The following PSPC1 variants were observed in gnomAD, a reference collection of about 807,000 sequenced individuals.
PSPC1 encodes the protein paraspeckle protein 1.
PSPC1 carries 14 observed loss-of-function variants against 51.6 expected under a neutral mutation model. That is an observed-to-expected ratio of 0.27 (90% CI 0.18 to 0.42). PSPC1 has a LOEUF of 0.42. Among genes scored for constraint, PSPC1 ranks in the 10% least tolerant of loss-of-function variants. The probability of loss-of-function intolerance (pLI) is 1.00; values close to 1 mark genes in which losing one functional copy is unlikely to be tolerated. For synonymous variants in PSPC1, 193 were observed against 231.9 expected (o/e 0.83, Z 1.53); for missense variants, 406 against 701.1 (o/e 0.58, Z 4.75).
At chr13:19,672,323 T>C (rs75278195), downstream of PSPC1, 1 of 164,964 alleles carries the variant, frequency 6.1e-6, no homozygotes, top group African/African-American at 2.4e-5. Context: ...TTTGTATTTT[T>C]AGTAGAGATG....
At chr13:19,695,140 G>A (rs1879052600) in intron 6 of PSPC1, among the ~76,000 whole-genome samples, 1 of 152,204 alleles carries the variant, frequency 6.6e-6, no homozygotes, top group African/African-American at 2.4e-5. Flanking sequence ...GAAACTGGCT[G>A]TGATAGGTTA....
chr13:19,677,173 C>T (rs1876747099), intron 7 of PSPC1, among the ~76,000 whole-genome samples: 1 of 147,752 alleles, frequency 6.8e-6, no homozygotes, highest in South Asian at 2.1e-4. Context: ...GCAGAGCTTG[C>T]AGTGAGCCAA....
chr13:19,740,711 C>A (rs1885349571), intron 5 of PSPC1, among the ~76,000 whole-genome samples: 1 of 152,128 alleles, frequency 6.6e-6, no homozygotes, highest in Admixed American at 6.5e-5. Flanking sequence ...ACACCACAGG[C>A]ACAAGGTGAG....
chr13:19,706,084 C>T (rs2137745601), intron 7 of PSPC1, among the ~76,000 whole-genome samples: 1 of 152,274 alleles, frequency 6.6e-6, no homozygotes, highest in South Asian at 2.1e-4. Context: ...TTGAGACTAA[C>T]AGTTTGCAAG....
intron 4 of PSPC1, among the ~76,000 whole-genome samples, chr13:19,743,841 C>A (rs893344247): frequency 4.6e-5 from 7 of 152,164 alleles, no homozygotes; most frequent in African/African-American, 1.7e-4. Flanking sequence ...TAAGTAATGG[C>A]TCACACCTGT....
chr13:19,721,016 G>A (rs917565767), intron 6 of PSPC1, among the ~76,000 whole-genome samples: 1 of 99,658 alleles, frequency 1.0e-5, no homozygotes, highest in Admixed American at 1.2e-4. Context: ...CTCACTAGTT[G>A]TTACTTAATA....
chr13:19,771,944 T>G (rs923632245), intron 2 of PSPC1, among the ~76,000 whole-genome samples: 4 of 152,180 alleles, frequency 2.6e-5, no homozygotes, highest in Non-Finnish European at 5.9e-5. Flanking sequence ...TCAATAAAGC[T>G]GATTACAATT....
At chr13:19,764,753 A>G in intron 2 of PSPC1, among the ~76,000 whole-genome samples, 1 of 139,796 alleles carries the variant, frequency 7.2e-6, no homozygotes, top group South Asian at 2.4e-4. Flanking sequence ...CTTTTTTTTG[A>G]GACAGGGTCT....
chr13:19,776,070 A>G (rs1889090050), intron 1 of PSPC1, among the ~76,000 whole-genome samples: 1 of 151,992 alleles, frequency 6.6e-6, no homozygotes, highest in South Asian at 2.1e-4. Flanking sequence ...ATAAAATAAA[A>G]TGAGAATAGG....
chr13:19,770,329 T>C (rs1289893841), intron 2 of PSPC1, among the ~76,000 whole-genome samples: 4 of 152,224 alleles, frequency 2.6e-5, no homozygotes, highest in South Asian at 2.1e-4. Flanking sequence ...ATTTTTATTA[T>C]GGCAGTGTGT....
chr13:19,722,955 A>T (rs956719222), intron 6 of PSPC1, among the ~76,000 whole-genome samples: 4 of 152,092 alleles, frequency 2.6e-5, no homozygotes, highest in Non-Finnish European at 5.9e-5. Context: ...ACTAAAAAAT[A>T]CAAAAATTAG....
chr13:19,773,507 G>A (rs547430139), intron 1 of PSPC1, among the ~76,000 whole-genome samples: 24 of 151,630 alleles, frequency 1.6e-4, no homozygotes, highest in Non-Finnish European at 3.2e-4. Flanking sequence ...CAAAGTGCTG[G>A]GATTACAGGC....
Position 19,740,960 on chromosome 13 carries a change from C to T in PSPC1, c.1052+605G>A, listed in dbSNP as rs532197017. Among the ~76,000 whole-genome samples the T allele has an allele frequency of 5.0e-4, 76 of 152,078 alleles. 2 individuals carry two copies. Among genetic ancestry groups the T allele is most frequent in the African/African-American group, 9.4e-4 (39 of 41,476 alleles). ...CAAGATCTCAGATCACTGCAACCTC[C>T]GCCTCCTGGATTCAAGCGATTCTCC... On this transcript the variant is annotated intron_variant, in intron 5 of 8. Transcript: ENST00000338910.
chr13:19,736,937 T>A (rs957809756), intron 5 of PSPC1: 1 of 152,162 alleles, frequency 6.6e-6, no homozygotes, highest in African/African-American at 2.4e-5. Context: ...GGTCTTCCTA[T>A]GTTTTTTGTT....
chr13:19,734,469 A>G (rs977365400), intron 5 of PSPC1, among the ~76,000 whole-genome samples: 2 of 152,142 alleles, frequency 1.3e-5, no homozygotes, highest in African/African-American at 4.8e-5. Context: ...AGCCCAAGAC[A>G]GAAGAAGGGC....
chr13:19,779,875 C>CT (rs1864374544), intron 1 of PSPC1, among the ~76,000 whole-genome samples: 3 of 114,384 alleles, frequency 2.6e-5, no homozygotes, highest in Admixed American at 2.4e-4. Context: ...GGGTCGGCCC[C>CT]CCGCCCGGCC....
At chr13:19,740,541 C>T (rs958775175) in intron 5 of PSPC1, among the ~76,000 whole-genome samples, 4 of 152,130 alleles carry the variant, frequency 2.6e-5, no homozygotes, top group Non-Finnish European at 5.9e-5. Flanking sequence ...ACCTTATTTT[C>T]TTATCACAAG....
chr13:19,682,611 G>T (rs1210457188), intron 6 of PSPC1, among the ~76,000 whole-genome samples: 1 of 151,936 alleles, frequency 6.6e-6, no homozygotes, highest in Non-Finnish European at 1.5e-5. Context: ...ACCACAATGA[G>T]ATATATTCAC....
intron 4 of PSPC1, 66 bp from the exon 5 acceptor site, chr13:19,741,715 A>G (rs1008566627): frequency 9.7e-7 from 1 of 1,027,798 alleles, no homozygotes; most frequent in African/African-American, 1.6e-5. Context: ...ACCAATAAGC[A>G]TAGAAGTTCT....
Sources: gnomAD v4.1 joint callset for allele counts (sites outside exome capture counted in the v4.1 genomes callset) on GRCh38, gnomAD v4.1.1 for gene constraint, MANE v1.5 for transcripts, NCBI Gene and HGNC (gene_info 2026-07-23, HGNC 2026-07-21) for gene names.